SIL1: variants seen among roughly 807,000 people sequenced by gnomAD.
The protein encoded by SIL1 is SIL1 nucleotide exchange factor.
SIL1 carries 40 observed loss-of-function variants against 49.1 expected under a neutral mutation model. The observed-to-expected ratio is 0.81, with a 90% CI of 0.63 to 1.06. The LOEUF (loss-of-function observed/expected upper bound fraction) is 1.06. Ranked by LOEUF, SIL1 falls within the 50% of genes least tolerant of loss-of-function variation. SIL1 has a pLI of 0.00. For missense variants in SIL1, 500 were observed against 572.6 expected, an observed-to-expected ratio of 0.87 and a Z score of 1.29; for synonymous variants, 253 against 250.8, an observed-to-expected ratio of 1.01 and a Z score of -0.08.
chr5:138,982,817 T>C (rs559698019), intron 7 of SIL1, among the ~76,000 whole-genome samples: 53 of 152,334 alleles, frequency 3.5e-4, no homozygotes, highest in Non-Finnish European at 6.3e-4. Flanking sequence ...CATCAAGCAC[T>C]ATTCCAAAAA....
At chr5:139,005,139 A>C (rs753282022) in intron 7 of SIL1, among the ~76,000 whole-genome samples, 1 of 152,222 alleles carries the variant, frequency 6.6e-6, no homozygotes, top group Non-Finnish European at 1.5e-5. Context: ...AAGTGCTCTC[A>C]CCACAAAAAT....
intron 1 of SIL1, among the ~76,000 whole-genome samples, chr5:139,172,927 C>T (rs552543545): frequency 4.4e-4 from 67 of 151,952 alleles, no homozygotes; most frequent in African/African-American, 1.5e-3. Context: ...CTCCAGAACC[C>T]GCTGATGCCC....
intron 1 of SIL1, among the ~76,000 whole-genome samples, chr5:139,146,054 G>C (rs1751190827): frequency 6.6e-6 from 1 of 152,174 alleles, no homozygotes; most frequent in African/African-American, 2.4e-5. Context: ...ATATTGCCCA[G>C]GGCAGTCTCA....
At chr5:138,959,020 C>A (rs539243510) in intron 7 of SIL1, among the ~76,000 whole-genome samples, 1 of 152,270 alleles carries the variant, frequency 6.6e-6, no homozygotes, top group Non-Finnish European at 1.5e-5. Context: ...CCTTAATCAC[C>A]AGGCATTTTC....
intron 3 of SIL1, among the ~76,000 whole-genome samples, chr5:139,108,463 A>G (rs1382199226): frequency 6.6e-6 from 1 of 152,198 alleles, no homozygotes; most frequent in East Asian, 1.9e-4. Flanking sequence ...TGTCGTTAGT[A>G]TTAGGATCTT....
chr5:139,099,080 G>A (rs536419147), intron 3 of SIL1, among the ~76,000 whole-genome samples: 1 of 152,178 alleles, frequency 6.6e-6, no homozygotes, highest in Admixed American at 6.5e-5. Flanking sequence ...GCCTCCCAAA[G>A]TGCTGGGATT....
chr5:139,066,214 C>T (rs1278564590), intron 3 of SIL1, among the ~76,000 whole-genome samples: 1 of 152,202 alleles, frequency 6.6e-6, no homozygotes, highest in East Asian at 1.9e-4. Flanking sequence ...TGTTCAAGGC[C>T]TGCCTAACCT....
intron 7 of SIL1, among the ~76,000 whole-genome samples, chr5:139,011,137 T>C (rs1309157243): frequency 4.0e-5 from 6 of 150,834 alleles, no homozygotes; most frequent in South Asian, 4.3e-4. Flanking sequence ...TAGGACCCTC[T>C]GAGCCAGGTG....
At chr5:139,021,381 CAAATT>C (rs905694630) in intron 6 of SIL1, 89 bp from the exon 7 acceptor site, 1 of 1,554,310 alleles carries the variant, frequency 6.4e-7, no homozygotes. Context: ...TACCCAAAAA[CAAATT>C]AAAAAGCCAT....
chr5:139,054,204 C>T (rs1465158392), intron 3 of SIL1, among the ~76,000 whole-genome samples: 7 of 152,042 alleles, frequency 4.6e-5, no homozygotes, highest in African/African-American at 1.7e-4. Flanking sequence ...TCACTTGAGG[C>T]CATGGGTTGG....
Position 139,057,386 on chromosome 5 carries a change from G to A in SIL1, c.245-6340C>T, listed in dbSNP as rs1769477138. 2.0e-5 allele frequency among the ~76,000 whole-genome samples: 3 copies of A among 151,712 alleles called. No homozygotes were observed. In the South Asian group the frequency reaches 6.3e-4, roughly 32 times the overall value. Reference sequence around the variant, plus strand: ...GTCCAAGAAGGATGAGACACCCACGGAGAAGAAACAAGTCAGGGCTTCATG... The same window carrying A: ...GTCCAAGAAGGATGAGACACCCACGAAGAAGAAACAAGTCAGGGCTTCATG... On this transcript the variant is annotated intron_variant, in intron 3 of 9. Transcript: ENST00000394817.
chr5:139,173,790 C>CAAAAAAAAAAA (rs70982756), intron 1 of SIL1, among the ~76,000 whole-genome samples: 15 of 106,214 alleles, frequency 1.4e-4, no homozygotes, highest in Non-Finnish European at 2.5e-4. Flanking sequence ...ACTAAAAATA[C>CAAAAAAAAAAA]AAAAAAAAAA....
At chr5:139,047,558 G>A (rs562247019) in intron 4 of SIL1, among the ~76,000 whole-genome samples, 2 of 152,236 alleles carry the variant, frequency 1.3e-5, no homozygotes, top group Non-Finnish European at 2.9e-5. Flanking sequence ...ACAATTTCAT[G>A]GAAAGCTATG....
chr5:139,090,913 C>G (rs1770329262), intron 3 of SIL1, among the ~76,000 whole-genome samples: 1 of 152,080 alleles, frequency 6.6e-6, no homozygotes, highest in Non-Finnish European at 1.5e-5. Context: ...CTGGCCAAGT[C>G]AAACTTTTTA....
intron 1 of SIL1, among the ~76,000 whole-genome samples, chr5:139,178,699 T>G (rs1209769951): frequency 6.6e-6 from 1 of 152,086 alleles, no homozygotes; most frequent in Non-Finnish European, 1.5e-5. Flanking sequence ...CTCTTAGCCC[T>G]AGGACCAAGT....
chr5:139,153,062 C>T lies in SIL1; in HGVS notation c.-10-25209G>A, dbSNP rs12520482. Among the ~76,000 whole-genome samples, 707 of 152,266 alleles carry T rather than the reference C, an allele frequency of 4.6e-3. 27 individuals are homozygous for T. The highest frequency in any genetic ancestry group is 0.042 in the Admixed American group (636 of 15,288). On this transcript the variant is annotated intron_variant, in intron 1 of 9. Coordinates refer to ENST00000394817, the MANE Select transcript of SIL1 (RefSeq NM_022464.5). ...TGAACTCCTGACCTTAGGTGATCCG[C>T]CCCCCTTGGCCTCCCAAAGTGCTGG...
intron 1 of SIL1, among the ~76,000 whole-genome samples, chr5:139,151,344 G>C (rs1404169064): frequency 2.6e-5 from 4 of 152,166 alleles, no homozygotes; most frequent in Admixed American, 2.6e-4. Context: ...CAAGGTGCTG[G>C]GAACACACAG....
At chr5:139,015,922 AG>A (rs1768388246) in intron 7 of SIL1, among the ~76,000 whole-genome samples, 1 of 152,102 alleles carries the variant, frequency 6.6e-6, no homozygotes, top group South Asian at 2.1e-4. Context: ...GAGGTTCCTT[AG>A]TAGATGAAAA....
At chr5:139,040,567 A>AGGCTCACTGCAACCTC (rs1470070231) in intron 5 of SIL1, among the ~76,000 whole-genome samples, 1 of 136,070 alleles carries the variant, frequency 7.3e-6, no homozygotes, top group African/African-American at 2.9e-5. Context: ...GGTGCAATCT[A>AGGCTCACTGCAACCTC]GGCTCACTGC....
Sources: gnomAD v4.1 joint callset for allele counts (sites outside exome capture counted in the v4.1 genomes callset) on GRCh38, gnomAD v4.1.1 for gene constraint, MANE v1.5 for transcripts, NCBI Gene and HGNC (gene_info 2026-07-23, HGNC 2026-07-21) for gene names.